The following HMGCL variants were observed in gnomAD, a reference collection of about 807,000 sequenced individuals.
The protein encoded by HMGCL is hydroxymethylglutaryl-CoA lyase, mitochondrial.
In HMGCL, 26 loss-of-function variants were observed where a neutral mutation model predicts 37.3. The ratio of observed to expected loss-of-function variants is 0.70; its 90% CI spans 0.51 to 0.97. The LOEUF is 0.97. HMGCL is among the 50% of genes least tolerant of loss of function. HMGCL has a pLI of 0.00. For missense variants in HMGCL, 379 were observed against 398.1 expected, an observed-to-expected ratio of 0.95 and a Z score of 0.41; for synonymous variants, 151 against 148.0, an observed-to-expected ratio of 1.02 and a Z score of -0.15.
intron 8 of HMGCL, chr1:23,803,568 T>C (rs1638333835): frequency 6.6e-6 from 1 of 152,300 alleles, no homozygotes; most frequent in Non-Finnish European, 1.5e-5. Flanking sequence ...ACTCTTGACC[T>C]CAGGTGATCC....
At chr1:23,815,197 ACT>A (rs1638590576) in intron 4 of HMGCL, among the ~76,000 whole-genome samples, 1 of 151,882 alleles carries the variant, frequency 6.6e-6, no homozygotes, top group African/African-American at 2.4e-5. Context: ...ACAGAGCAAG[ACT>A]CTGTCTAAAA....
chr1:23,805,346 T>C (rs1638387999), intron 7 of HMGCL, among the ~76,000 whole-genome samples: 1 of 152,162 alleles, frequency 6.6e-6, no homozygotes, highest in Non-Finnish European at 1.5e-5. Flanking sequence ...ACAAACCTTT[T>C]TGGAACCCTC....
At chr1:23,819,006 T>TAAAAAAAAAAAAAAAAAAAAAAAA (rs11371330) in intron 2 of HMGCL, among the ~76,000 whole-genome samples, 1 of 43,120 alleles carries the variant, frequency 2.3e-5, no homozygotes, top group African/African-American at 1.0e-4. Context: ...ATGGACGTGC[T>TAAAAAAAAAAAAAAAAAAAAAAAA]AAAAAAAAAA....
At chr1:23,824,916 G>T (rs957806940) in intron 1 of HMGCL, among the ~76,000 whole-genome samples, 2 of 152,182 alleles carry the variant, frequency 1.3e-5, no homozygotes, top group Non-Finnish European at 2.9e-5. Flanking sequence ...TCCAATCAAC[G>T]CAAGTCCCGC....
intron 2 of HMGCL, among the ~76,000 whole-genome samples, chr1:23,820,133 G>C (rs562860126): frequency 3.9e-5 from 6 of 152,212 alleles, no homozygotes; most frequent in African/African-American, 1.4e-4. Context: ...CCACCCCACT[G>C]GGCTGTGGAC....
At position 23,806,820 on chromosome 1, in the gene HMGCL, G is replaced by A; in HGVS notation, c.750+1315C>T. 2 of 384,524 alleles carry A rather than the reference G, an allele frequency of 5.2e-6. No homozygotes were observed. Among genetic ancestry groups the A allele is most frequent in the South Asian group, 3.8e-5 (2 of 52,128 alleles). The allele number at this position is 384,524 out of a possible 1,614,324, so 23.8% of individuals were successfully genotyped here. A position where few individuals can be genotyped will look rare whatever the true frequency, so the allele number is the denominator to read the frequency against. On this transcript the variant is annotated intron_variant, in intron 7 of 8. Coordinates refer to ENST00000374490, the MANE Select transcript of HMGCL (RefSeq NM_000191.3). The surrounding 1 kb of genome is among the most constrained non-coding windows in gnomAD (Gnocchi z 4.0). ...ACCGTTAGGTTAGGTTTTAATAGGT[G>A]AATAAATGGTCTTACAATGTGCTAT...
Position 23,806,402 on chromosome 1 carries a change from C to A in HMGCL, c.750+1733G>T, listed in dbSNP as rs558109363. On this transcript the variant is annotated intron_variant, in intron 7 of 8. Coordinates refer to ENST00000374490, the MANE Select transcript of HMGCL (RefSeq NM_000191.3). This position sits in a 1 kb window ranked among gnomAD's most constrained non-coding sequence, Gnocchi z 4.0. ...CTCTAACCCTGACATCTCTGCCCCC[C>A]TCTCCTCAGTCACACTGCTCCCGCC... Among the ~76,000 whole-genome samples, 29 of 152,330 alleles carry A rather than the reference C, an allele frequency of 1.9e-4. No individual in the cohort carries two copies. The highest frequency in any genetic ancestry group is 2.9e-4 in the African/African-American group (12 of 41,584).
intron 7 of HMGCL, chr1:23,807,243 G>C (rs1478879366): frequency 1.9e-6 from 1 of 518,772 alleles, no homozygotes; most frequent in Non-Finnish European, 3.8e-6. Context: ...AAACGCATGA[G>C]CTGAAGGAAA....
At chr1:23,812,519 G>A (rs1283936005) in intron 5 of HMGCL, among the ~76,000 whole-genome samples, 1 of 152,004 alleles carries the variant, frequency 6.6e-6, no homozygotes, top group African/African-American at 2.4e-5. Context: ...ACCACACCTG[G>A]CTTTTTTTTT....
At chr1:23,805,379 C>A (rs754598913) in intron 7 of HMGCL, among the ~76,000 whole-genome samples, 2 of 152,218 alleles carry the variant, frequency 1.3e-5, no homozygotes, top group Non-Finnish European at 2.9e-5. Flanking sequence ...TCTTTCCCCC[C>A]ATTCAAAGCA....
In HMGCL at chr1:23,814,189, C is replaced by A. The variant is rs766648383; in HGVS notation, c.497+1G>T. 6.2e-7 allele frequency: 1 copy of A among 1,613,496 alleles called. No individual in the cohort carries two copies. Among genetic ancestry groups the A allele is most frequent in the South Asian group, 1.1e-5 (1 of 91,048 alleles). The stretch of plus-strand genomic sequence containing the variant: ...AAGGATACCAATGTGCTCTGACTCA[C>A]CCCCGCACAGAAATATTGGCTGACT... On this transcript the variant is annotated splice_donor_variant, in intron 5 of 8. Transcript: ENST00000374490. LOFTEE classifies it high-confidence loss of function.
Position 23,804,079 on chromosome 1 carries a change from C to A in HMGCL, c.876+321G>T, listed in dbSNP as rs534520072. Reference sequence around the variant, plus strand: ...TCTCACAAACATTAAAATATTAGATCAAATATCCATAATCCCCAACACCCT... The same window carrying A: ...TCTCACAAACATTAAAATATTAGATAAAATATCCATAATCCCCAACACCCT... On this transcript the variant is annotated intron_variant, in intron 8 of 8. Coordinates refer to ENST00000374490, the MANE Select transcript of HMGCL (RefSeq NM_000191.3). The A allele has an allele frequency of 1.0e-3, 350 of 338,314 alleles. 9 individuals are homozygous for A. Among genetic ancestry groups the A allele is most frequent in the South Asian group, 9.7e-3 (322 of 33,120 alleles). 21.0% of individuals were successfully genotyped at this position (338,314 alleles called of 1,614,324 possible).
rs751488152 is a variant in HMGCL, at chr1:23,802,189, T to G, written c.*274A>C. ...AAGTAGGGAACGGGGTTCCCACACG[T>G]CCTCAGGCATTCAACTCCTGGGCCA... On this transcript the variant is annotated 3_prime_UTR_variant, in exon 9 of 9. Transcript: ENST00000374490. 20 of 597,060 alleles carry G rather than the reference T, an allele frequency of 3.3e-5. No homozygotes were observed. The highest frequency in any genetic ancestry group is 5.4e-5 in the Non-Finnish European group (18 of 336,070). 37.0% of individuals were successfully genotyped at this position (597,060 alleles called of 1,614,324 possible).
chr1:23,810,731 CA>C lies in HMGCL; in HGVS notation c.561+4del, dbSNP rs760721365. On this transcript the variant is annotated splice_donor_region_variant and intron_variant, in intron 6 of 8. Coordinates refer to ENST00000374490, the MANE Select transcript of HMGCL (RefSeq NM_000191.3). ...CAAACCCCCCGCCCTGACACATGCA[CA>C]CACCTCAGCTACTTTAGCTGGGGAG... is the stretch of plus-strand genomic sequence containing the variant. 3.1e-6 allele frequency: 5 copies of C among 1,613,798 alleles called. No homozygotes were observed. Among genetic ancestry groups the C allele is most frequent in the Non-Finnish European group, 4.2e-6 (5 of 1,179,734 alleles).
At position 23,808,248 on chromosome 1, in the gene HMGCL, T is replaced by C. The variant is rs776105248; in HGVS notation, c.637A>G (p.Ile213Val). 2 of 1,613,930 alleles carry C rather than the reference T, an allele frequency of 1.2e-6. No individual in the cohort carries two copies. The highest frequency in any genetic ancestry group is 2.2e-5 in the South Asian group (2 of 91,070). The change falls in exon 7 of 9, where the codon ATC becomes GTC. Residue 213 changes from isoleucine to valine, a missense_variant. Ile to Val is a conservative substitution (Grantham distance 29, BLOSUM62 3). Coordinates refer to ENST00000374490, the MANE Select transcript of HMGCL (RefSeq NM_000191.3). ...GDTIGVGTPG[I>V]MKDMLSAVMQ... ...ACAGCAGATAGCATGTCTTTCATGA[T>C]CCCTGGGGTGCCCACACCAATGGTG...
chr1:23,804,519 C>T lies in HMGCL; in HGVS notation c.757G>A (p.Val253Met). The T allele has an allele frequency of 6.2e-7, 1 of 1,614,144 alleles. No individual in the cohort carries two copies. The highest frequency in any genetic ancestry group is 8.5e-7 in the Non-Finnish European group (1 of 1,179,988). ...GCCACAGAAGAGTCCACGACACTCA[C>T]TCCCATCTAGAAACATAAGGATGGT... ...ANTLMALQMGVSVVDSSVAGL... is the reference protein window; with the variant it reads ...ANTLMALQMGMSVVDSSVAGL... Residue 253 changes from valine to methionine, a missense_variant, in exon 8 of 9, where the codon GTG becomes ATG. Coordinates refer to ENST00000374490, the MANE Select transcript of HMGCL (RefSeq NM_000191.3).
rs1054711530 is a variant in HMGCL, at chr1:23,813,966, G to GCTAT, written c.497+220_497+223dup. ...CAAGTTGCTAGGACTACAGGCGCAT[G>GCTAT]CTATCATGGCTAGCTGGTAAACTGA... On this transcript the variant is annotated intron_variant, in intron 5 of 8. Transcript: ENST00000374490. 2.6e-4 allele frequency: 148 copies of GCTAT among 577,994 alleles called. 1 individual carries two copies. The highest frequency in any genetic ancestry group is 2.2e-3 in the African/African-American group (117 of 53,740). 35.8% of individuals were successfully genotyped at this position (577,994 alleles called of 1,614,324 possible). A position where few individuals can be genotyped will look rare whatever the true frequency, so the allele number is the denominator to read the frequency against.
intron 2 of HMGCL, 137 bp from the exon 3 acceptor site, chr1:23,817,720 A>G (rs1638637382): frequency 2.9e-6 from 2 of 699,342 alleles, no homozygotes; most frequent in East Asian, 2.7e-5. Flanking sequence ...AGTTATTTAC[A>G]TAGAAACATT....
At chr1:23,817,405 A>G (rs2148424095) in intron 3 of HMGCL, 71 bp downstream of exon 3, 1 of 882,032 alleles carries the variant, frequency 1.1e-6, no homozygotes, top group Non-Finnish European at 1.9e-6. Flanking sequence ...CTCAACTTCT[A>G]CTTGCTTCAA....
Sources: gnomAD v4.1 joint callset for allele counts (sites outside exome capture counted in the v4.1 genomes callset) on GRCh38, gnomAD v4.1.1 for gene constraint, Gnocchi (gnomAD v3.1) non-coding constraint, MANE v1.5 for transcripts, NCBI Gene and HGNC (gene_info 2026-07-23, HGNC 2026-07-21) for gene names.